The following CSTPP1 variants were observed in gnomAD, a reference collection of about 807,000 sequenced individuals.
The protein encoded by CSTPP1 is UPF0705 protein C11orf49.
chr11:46,971,291 TAAAC>T, the CSTPP1 span, among the ~76,000 whole-genome samples: 1 of 152,200 alleles, frequency 6.6e-6, no homozygotes, highest in Non-Finnish European at 1.5e-5. Flanking sequence ...TACCAATAAA[TAAAC>T]CACTGGAAAT....
chr11:47,075,779 A>G, the CSTPP1 span, among the ~76,000 whole-genome samples: 2 of 152,072 alleles, frequency 1.3e-5, no homozygotes, highest in African/African-American at 4.8e-5. Flanking sequence ...TTAGCTCAGC[A>G]TGATGGCAGG....
At chr11:46,983,864 C>T in the CSTPP1 span, among the ~76,000 whole-genome samples, 2 of 152,200 alleles carry the variant, frequency 1.3e-5, no homozygotes, top group African/African-American at 4.8e-5. Flanking sequence ...GTGTAAAACT[C>T]TCTGCAGGGA....
the CSTPP1 span, among the ~76,000 whole-genome samples, chr11:47,064,926 T>G: frequency 1.3e-5 from 2 of 152,128 alleles, no homozygotes; most frequent in Non-Finnish European, 2.9e-5. Context: ...GTATTTTTAG[T>G]AGAGACGGGG....
chr11:47,006,637 T>G, the CSTPP1 span, among the ~76,000 whole-genome samples: 1 of 151,660 alleles, frequency 6.6e-6, no homozygotes, highest in South Asian at 2.1e-4. Flanking sequence ...CAGGTTGGAG[T>G]GCAGTGGTGC....
the CSTPP1 span, chr11:47,137,282 A>G: frequency 7.6e-7 from 1 of 1,314,496 alleles, no homozygotes; most frequent in East Asian, 5.1e-5. Flanking sequence ...ATTTCAGCAA[A>G]TTTAACCGGC....
At chr11:47,056,222 A>G in the CSTPP1 span, among the ~76,000 whole-genome samples, 1 of 152,156 alleles carries the variant, frequency 6.6e-6, no homozygotes, top group African/African-American at 2.4e-5. Flanking sequence ...TATTTGGTTG[A>G]AAAAAATCCA....
chr11:46,993,248 C>G, the CSTPP1 span, among the ~76,000 whole-genome samples: 1 of 151,960 alleles, frequency 6.6e-6, no homozygotes, highest in Admixed American at 6.6e-5. Context: ...TTAATTATAC[C>G]CCATTTCTCA....
the CSTPP1 span, among the ~76,000 whole-genome samples, chr11:47,082,826 T>G: frequency 6.6e-6 from 1 of 152,178 alleles, no homozygotes; most frequent in Non-Finnish European, 1.5e-5. Flanking sequence ...GATAGAATCA[T>G]ACAATATATG....
the CSTPP1 span, chr11:47,155,067 C>T: frequency 2.2e-6 from 2 of 903,176 alleles, no homozygotes; most frequent in Non-Finnish European, 1.8e-6. Context: ...AGGAACAGCT[C>T]TCTCTCTCCC....
the CSTPP1 span, among the ~76,000 whole-genome samples, chr11:47,159,234 G>A: frequency 6.6e-6 from 1 of 152,212 alleles, no homozygotes; most frequent in Non-Finnish European, 1.5e-5. Flanking sequence ...GACAGGCCAG[G>A]CGTGGTGCCT....
chr11:46,989,755 G>A, the CSTPP1 span, among the ~76,000 whole-genome samples: 5 of 152,158 alleles, frequency 3.3e-5, no homozygotes, highest in Admixed American at 6.5e-5. Flanking sequence ...CCCAGGTAGT[G>A]AGCATAGTAC....
chr11:46,997,573 C>T, the CSTPP1 span, among the ~76,000 whole-genome samples: 1 of 152,216 alleles, frequency 6.6e-6, no homozygotes, highest in African/African-American at 2.4e-5. Context: ...TCGTCAAAGT[C>T]GTTCTCCGTC....
At chr11:47,057,239 C>T in the CSTPP1 span, among the ~76,000 whole-genome samples, 3 of 152,126 alleles carry the variant, frequency 2.0e-5, no homozygotes, top group Admixed American at 2.0e-4. Context: ...CTAATTTTTT[C>T]TGTATAGGAA....
At chr11:47,106,612 C>T in the CSTPP1 span, among the ~76,000 whole-genome samples, 2 of 150,962 alleles carry the variant, frequency 1.3e-5, no homozygotes, top group Non-Finnish European at 2.9e-5. Flanking sequence ...CACTGCACTC[C>T]AGCCTGGGTG....
the CSTPP1 span, among the ~76,000 whole-genome samples, chr11:47,016,412 A>C: frequency 1.4e-5 from 2 of 141,616 alleles, no homozygotes; most frequent in African/African-American, 2.9e-5. Flanking sequence ...AACAAAAAAC[A>C]AAAAAAAAAC....
chr11:47,009,055 T>C, the CSTPP1 span, among the ~76,000 whole-genome samples: 3 of 151,494 alleles, frequency 2.0e-5, no homozygotes, highest in African/African-American at 7.3e-5. Context: ...AATTTCCCTA[T>C]CCAAGTGTGT....
chr11:47,023,832 A>G, the CSTPP1 span, among the ~76,000 whole-genome samples: 1 of 152,142 alleles, frequency 6.6e-6, no homozygotes, highest in Admixed American at 6.5e-5. Flanking sequence ...TGTATGTATC[A>G]CATTTTGCTT....
chr11:46,987,305 T>C, the CSTPP1 span: 2 of 1,613,288 alleles, frequency 1.2e-6, no homozygotes, highest in East Asian at 2.2e-5. Flanking sequence ...GGTTCTTCAC[T>C]GAATAGTAAG....
chr11:47,052,134 C>T, the CSTPP1 span: 1 of 297,350 alleles, frequency 3.4e-6, no homozygotes, highest in Non-Finnish European at 6.2e-6. Context: ...ATGACTGATT[C>T]AGATGTCCTC....
Sources: gnomAD v4.1 joint callset for allele counts (sites outside exome capture counted in the v4.1 genomes callset) on GRCh38, gnomAD v4.1.1 for gene constraint, MANE v1.5 for transcripts, NCBI Gene and HGNC (gene_info 2026-07-23, HGNC 2026-07-21) for gene names.